ATP11C: variants seen among roughly 807,000 people sequenced by gnomAD.
The protein encoded by ATP11C is phospholipid-transporting ATPase IG.
ATP11C carries 36 observed loss-of-function variants against 97.4 expected under a neutral mutation model. The observed-to-expected ratio is 0.37, with a 90% CI of 0.28 to 0.49. The LOEUF (loss-of-function observed/expected upper bound fraction) is 0.49. Among genes scored for constraint, ATP11C ranks in the 20% least tolerant of loss-of-function variants. ATP11C has a pLI of 0.98. For synonymous variants in ATP11C, 275 were observed against 290.9 expected, an observed-to-expected ratio of 0.95 and a Z score of 0.56; for missense variants, 730 against 824.6, an observed-to-expected ratio of 0.89 and a Z score of 1.40.
chrX:139,824,421 G>A (rs922568256), intron 2 of ATP11C, among the ~76,000 whole-genome samples: 4 of 111,632 alleles, frequency 3.6e-5, no homozygotes, highest in Non-Finnish European at 7.5e-5. Context: ...AAAGCATTAG[G>A]CCGGGTGCAG....
At chrX:139,857,002 A>G (rs2084100799) in intron 1 of ATP11C, among the ~76,000 whole-genome samples, 1 of 112,086 alleles carries the variant, frequency 8.9e-6, no homozygotes, top group African/African-American at 3.2e-5. Flanking sequence ...GCTCTATCCA[A>G]TGAGTCAGCC....
intron 1 of ATP11C, among the ~76,000 whole-genome samples, chrX:139,926,502 C>A (rs1016893388): frequency 1.2e-4 from 13 of 111,458 alleles, no homozygotes; most frequent in African/African-American, 4.3e-4. Context: ...ACTGGCCATC[C>A]TTTACCTCCT....
At chrX:139,880,801 G>A (rs2084549313) in intron 1 of ATP11C, among the ~76,000 whole-genome samples, 1 of 111,863 alleles carries the variant, frequency 8.9e-6, no homozygotes, top group Non-Finnish European at 1.9e-5. Context: ...GAAAGTAAGA[G>A]AGATGGTAAA....
chrX:139,891,743 G>A (rs1339470877), intron 1 of ATP11C, among the ~76,000 whole-genome samples: 4 of 112,391 alleles, frequency 3.6e-5, no homozygotes, highest in African/African-American at 1.3e-4. Flanking sequence ...TGCAAAATGC[G>A]ATTGATGGGT....
chrX:139,870,593 C>T (rs2084356635), intron 1 of ATP11C, among the ~76,000 whole-genome samples: 1 of 111,994 alleles, frequency 8.9e-6, no homozygotes, highest in South Asian at 3.7e-4. Flanking sequence ...ATCCAAATGT[C>T]CCTCAGGAGA....
intron 1 of ATP11C, among the ~76,000 whole-genome samples, chrX:139,915,803 T>G (rs1421020283): frequency 8.9e-6 from 1 of 112,378 alleles, no homozygotes. Flanking sequence ...TAATAGCAAA[T>G]TGCTGAAGAA....
chrX:139,736,657 T>C (rs892480325), intron 28 of ATP11C, among the ~76,000 whole-genome samples: 1 of 111,594 alleles, frequency 9.0e-6, no homozygotes, highest in Non-Finnish European at 1.9e-5. Flanking sequence ...AACTTTTCCA[T>C]CCTAAAACAC....
intron 17 of ATP11C, 60 bp downstream of exon 17, chrX:139,783,104 C>A: frequency 1.3e-6 from 1 of 791,297 alleles, no homozygotes. Context: ...ATCCAATAAA[C>A]ATAGTCATTT....
chrX:139,801,193 C>G (rs2082920639), intron 7 of ATP11C, among the ~76,000 whole-genome samples: 1 of 112,429 alleles, frequency 8.9e-6, no homozygotes, highest in South Asian at 3.7e-4. Context: ...ATATTGTTCT[C>G]TAGCTCAGGC....
intron 1 of ATP11C, among the ~76,000 whole-genome samples, chrX:139,923,752 G>A (rs1262550491): frequency 9.0e-6 from 1 of 111,248 alleles, no homozygotes; most frequent in African/African-American, 3.3e-5. Context: ...TCGATATGTG[G>A]GATTACTGCA....
intron 1 of ATP11C, among the ~76,000 whole-genome samples, chrX:139,920,989 G>A (rs2085250459): frequency 8.9e-6 from 1 of 112,040 alleles, no homozygotes; most frequent in South Asian, 3.7e-4. Flanking sequence ...TCTGACAAAT[G>A]TGATGAAGGG....
chrX:139,853,347 GA>G (rs1322408625), intron 1 of ATP11C, among the ~76,000 whole-genome samples: 1 of 107,972 alleles, frequency 9.3e-6, no homozygotes, highest in African/African-American at 3.4e-5. Flanking sequence ...AAGACAGAGA[GA>G]GGGGAAAGAC....
At chrX:139,865,065 A>G in intron 1 of ATP11C, among the ~76,000 whole-genome samples, 1 of 112,406 alleles carries the variant, frequency 8.9e-6, no homozygotes, top group East Asian at 2.8e-4. Flanking sequence ...TCAAAGCTCA[A>G]AAGTTCCCAT....
chrX:139,743,543 T>G lies in ATP11C; in HGVS notation c.3030+16A>C. ...AAAACAGTATTAAAAAATACATGAA[T>G]AAGTAAAAATCTAACCTTCAGGGTT... On this transcript the variant is annotated intron_variant, in intron 26 of 29. Transcript: ENST00000682941. 1 of 1,068,501 alleles carries G rather than the reference T, an allele frequency of 9.4e-7. No homozygotes were observed. Among genetic ancestry groups the G allele is most frequent in the Non-Finnish European group, 1.3e-6 (1 of 785,152 alleles). 88.1% of individuals were successfully genotyped at this position (1,068,501 alleles called of 1,213,427 possible). A position where few individuals can be genotyped will look rare whatever the true frequency, so the allele number is the denominator to read the frequency against.
At chrX:139,738,382 C>T (rs1302081261) in intron 27 of ATP11C, among the ~76,000 whole-genome samples, 2 of 111,971 alleles carry the variant, frequency 1.8e-5, no homozygotes, top group Non-Finnish European at 3.8e-5. Flanking sequence ...AAAAGATATT[C>T]AAGAGAAATG....
chrX:139,733,638 C>T (rs2081389607), intron 28 of ATP11C, among the ~76,000 whole-genome samples: 1 of 111,540 alleles, frequency 9.0e-6, no homozygotes, highest in East Asian at 2.8e-4. Flanking sequence ...TATTTAGATT[C>T]TGAGAAAAAG....
At chrX:139,784,181 T>C (rs1156835415) in intron 16 of ATP11C, among the ~76,000 whole-genome samples, 1 of 112,156 alleles carries the variant, frequency 8.9e-6, no homozygotes, top group East Asian at 2.8e-4. Flanking sequence ...TCAATGACCT[T>C]TGTAGACCAG....
upstream of ATP11C, among the ~76,000 whole-genome samples, chrX:139,933,801 C>A (rs1251427937): frequency 8.9e-6 from 1 of 112,233 alleles, no homozygotes; most frequent in African/African-American, 3.2e-5. Flanking sequence ...TTCAACAAAC[C>A]TTTGCTGGGA....
chrX:139,849,002 A>G (rs1490729794), intron 1 of ATP11C, among the ~76,000 whole-genome samples: 1 of 111,585 alleles, frequency 9.0e-6, no homozygotes, highest in African/African-American at 3.3e-5. Flanking sequence ...CTGACTCTCC[A>G]CTTACCCTAA....
Sources: allele counts gnomAD v4.1 joint callset (sites outside exome capture counted in the v4.1 genomes callset), GRCh38; gene constraint gnomAD v4.1.1; transcripts MANE v1.5; gene names NCBI Gene and HGNC (gene_info 2026-07-23, HGNC 2026-07-21).